OSBPL1A: variants seen among roughly 807,000 people sequenced by gnomAD.
OSBPL1A encodes oxysterol binding protein like 1A.
In OSBPL1A, 80 loss-of-function variants were observed where a neutral mutation model predicts 137.1. The observed-to-expected ratio is 0.58, with a 90% CI of 0.49 to 0.70. The LOEUF (loss-of-function observed/expected upper bound fraction) is 0.70, where lower values mean the gene tolerates loss of function less well. Among genes scored for constraint, OSBPL1A ranks in the 30% least tolerant of loss-of-function variants. OSBPL1A has a pLI of 0.00. For missense variants in OSBPL1A, 970 were observed against 1,129.4 expected (o/e 0.86, Z 2.02); for synonymous variants, 365 against 389.7 (o/e 0.94, Z 0.75).
At position 24,172,439 on chromosome 18, in the gene OSBPL1A, T is replaced by C. The variant is rs777159581; in HGVS notation, c.2138A>G (p.His713Arg). Residue 713 changes from histidine to arginine, a missense_variant, in exon 22 of 28, where the codon CAT becomes CGT. This residue lies in a region of OSBPL1A where 323 missense variants were observed against 456.8 expected (regional missense o/e 0.71). Transcript: ENST00000319481. The part of the protein sequence containing the change: ...YTWTNPTCCV[H>R]NIIVGKLWIE... ...CCACAGTTTACCCACAATGATATTA[T>C]GCACACAGCAGGTGGGATTTGTCCA... The C allele has an allele frequency of 1.2e-6, 2 of 1,614,178 alleles. No homozygotes were observed. Among genetic ancestry groups the C allele is most frequent in the South Asian group, 2.2e-5 (2 of 91,076 alleles).
chr18:24,368,238 T>G (rs1256457284), intron 3 of OSBPL1A, 49 bp downstream of exon 3: 1 of 1,406,990 alleles, frequency 7.1e-7, no homozygotes, highest in Non-Finnish European at 9.9e-7. Flanking sequence ...AAAATTTCCA[T>G]AACAATAATA....
At chr18:24,189,825 C>T (rs1436620318) in intron 18 of OSBPL1A, among the ~76,000 whole-genome samples, 5 of 152,204 alleles carry the variant, frequency 3.3e-5, no homozygotes, top group Non-Finnish European at 7.3e-5. Context: ...CTGCTGCCCT[C>T]GTGCCTTCTG....
chr18:24,177,742 C>A (rs549256380), intron 21 of OSBPL1A, among the ~76,000 whole-genome samples: 1 of 152,206 alleles, frequency 6.6e-6, no homozygotes, highest in Non-Finnish European at 1.5e-5. Context: ...TTCATAAGAA[C>A]TGTCATGAAG....
chr18:24,344,614 G>A (rs1209155572), intron 4 of OSBPL1A, among the ~76,000 whole-genome samples: 1 of 152,026 alleles, frequency 6.6e-6, no homozygotes, highest in African/African-American at 2.4e-5. Context: ...CCCATTTTAG[G>A]TGCGTGAAGT....
intron 7 of OSBPL1A, among the ~76,000 whole-genome samples, chr18:24,321,510 A>C (rs542149210): frequency 6.6e-6 from 1 of 152,214 alleles, no homozygotes; most frequent in African/African-American, 2.4e-5. Flanking sequence ...GTTAGTCTCA[A>C]ATTCCTAGGC....
intron 15 of OSBPL1A, among the ~76,000 whole-genome samples, chr18:24,270,164 T>A (rs1408375071): frequency 6.6e-6 from 1 of 152,250 alleles, no homozygotes; most frequent in East Asian, 1.9e-4. Context: ...TAAACAGTCA[T>A]ATATTTGAAT....
intron 21 of OSBPL1A, among the ~76,000 whole-genome samples, chr18:24,175,132 A>ACG (rs1200537339): frequency 7.9e-6 from 1 of 126,620 alleles, no homozygotes; most frequent in African/African-American, 3.3e-5. Flanking sequence ...ATATATATAT[A>ACG]TATACACATA....
At position 24,225,187 on chromosome 18, in the gene OSBPL1A, C is replaced by A; in HGVS notation, c.1456G>T (p.Glu486Ter). The A allele has an allele frequency of 6.2e-7, 1 of 1,614,048 alleles. No homozygotes were observed. Among genetic ancestry groups the A allele is most frequent in the Non-Finnish European group, 8.5e-7 (1 of 1,179,948 alleles). Reference sequence around the variant, plus strand: ...GCTTCCAATCTACTCAGGGACCTTTCGGACTCGGAATCTGTGGCAGAGCAG... The same window carrying A: ...GCTTCCAATCTACTCAGGGACCTTTAGGACTCGGAATCTGTGGCAGAGCAG... ...FYDALSDSESERSLSRLEAVT... is the reference protein window; with the variant it reads ...FYDALSDSES Residue 486 changes from glutamate (E) to a stop codon, truncating the protein, a stop_gained, in exon 17 of 28, where the codon GAA becomes TAA. Coordinates refer to ENST00000319481, the MANE Select transcript of OSBPL1A (RefSeq NM_080597.4). LOFTEE classifies it high-confidence loss of function.
intron 26 of OSBPL1A, 93 bp from the exon 27 acceptor site, chr18:24,165,248 T>C: frequency 8.9e-7 from 1 of 1,123,604 alleles, no homozygotes; most frequent in East Asian, 2.4e-5. Context: ...AAGAACCATA[T>C]CTACATGTTA....
chr18:24,354,748 CAAAAAA>C (rs59694707), intron 4 of OSBPL1A, among the ~76,000 whole-genome samples: 2,323 of 77,132 alleles, frequency 0.03, 50 homozygotes, highest in African/African-American at 0.1. Flanking sequence ...CTCAATATAG[CAAAAAA>C]AAAAAAAAAA....
chr18:24,288,917 T>A (rs752146086), intron 14 of OSBPL1A, among the ~76,000 whole-genome samples: 1 of 152,128 alleles, frequency 6.6e-6, no homozygotes, highest in African/African-American at 2.4e-5. Context: ...GGACTATCTA[T>A]AGCCTGAACA....
At chr18:24,185,218 T>C (rs984863338) in intron 18 of OSBPL1A, among the ~76,000 whole-genome samples, 2 of 152,152 alleles carry the variant, frequency 1.3e-5, no homozygotes, top group Non-Finnish European at 1.5e-5. Context: ...GGTGTGGTAC[T>C]ACAATGTTGG....
intron 15 of OSBPL1A, among the ~76,000 whole-genome samples, chr18:24,241,789 G>C (rs558178986): frequency 1.1e-3 from 169 of 152,126 alleles, no homozygotes; most frequent in Non-Finnish European, 1.7e-3. Flanking sequence ...TATACCCAAA[G>C]GAGTATAAAT....
At chr18:24,352,670 A>G (rs1315517534) in intron 4 of OSBPL1A, among the ~76,000 whole-genome samples, 1 of 152,226 alleles carries the variant, frequency 6.6e-6, no homozygotes, top group East Asian at 1.9e-4. Context: ...AAACTATACT[A>G]CAAGGCTACA....
At chr18:24,192,638 G>A (rs1032366024) in intron 18 of OSBPL1A, among the ~76,000 whole-genome samples, 9 of 152,206 alleles carry the variant, frequency 5.9e-5, no homozygotes, top group African/African-American at 2.2e-4. Flanking sequence ...CAACGTGCAG[G>A]TGCATGGGAG....
chr18:24,165,030 AG>A, intron 27 of OSBPL1A, 34 bp downstream of exon 27: 2 of 1,607,704 alleles, frequency 1.2e-6, no homozygotes, highest in South Asian at 2.2e-5. Flanking sequence ...AGCCTGCCTG[AG>A]GGCTCAGCCA....
intron 6 of OSBPL1A, among the ~76,000 whole-genome samples, chr18:24,333,929 A>AAT (rs1022514648): frequency 4.6e-5 from 7 of 152,092 alleles, no homozygotes; most frequent in South Asian, 2.1e-4. Context: ...AAATATATGT[A>AAT]ATATATATAT....
intron 1 of OSBPL1A, among the ~76,000 whole-genome samples, chr18:24,380,393 A>T (rs1291452951): frequency 6.6e-6 from 1 of 152,230 alleles, no homozygotes; most frequent in Non-Finnish European, 1.5e-5. Flanking sequence ...TATTTGGTTT[A>T]TCTGGCCCAC....
intron 1 of OSBPL1A, among the ~76,000 whole-genome samples, chr18:24,392,749 G>A (rs1907447004): frequency 6.6e-6 from 1 of 152,090 alleles, no homozygotes; most frequent in Non-Finnish European, 1.5e-5. Flanking sequence ...GGAGTGCAGT[G>A]GCACAATCGT....
Sources: allele counts gnomAD v4.1 joint callset (sites outside exome capture counted in the v4.1 genomes callset), GRCh38; gene constraint gnomAD v4.1.1; regional missense constraint gnomAD v4.1.1; transcripts MANE v1.5; gene names NCBI Gene and HGNC (gene_info 2026-07-23, HGNC 2026-07-21).